The following PLEKHA6 variants were observed in gnomAD, a reference collection of about 807,000 sequenced individuals.
The protein encoded by PLEKHA6 is pleckstrin homology domain containing A6.
Under a neutral mutation model 116.7 loss-of-function variants are expected in PLEKHA6, and 60 were observed. That is an observed-to-expected ratio of 0.51 (90% CI 0.42 to 0.64). The LOEUF (loss-of-function observed/expected upper bound fraction) is 0.64. Among genes scored for constraint, PLEKHA6 ranks in the 30% least tolerant of loss-of-function variants. The pLI is 0.00. For synonymous variants in PLEKHA6, 489 were observed against 556.1 expected, an observed-to-expected ratio of 0.88 and a Z score of 1.70; for missense variants, 1,338 against 1,422.7, an observed-to-expected ratio of 0.94 and a Z score of 0.96.
At chr1:204,308,326 CT>C (rs1671478875) in intron 1 of PLEKHA6, among the ~76,000 whole-genome samples, 1 of 152,100 alleles carries the variant, frequency 6.6e-6, no homozygotes, top group Admixed American at 6.5e-5. Flanking sequence ...AGGAGGATTG[CT>C]TGAGGCCAGG....
rs1472942672 is a variant in PLEKHA6, at chr1:204,359,811, T to C, written c.-212A>G. ...CTCCCCCGCCCCTGGGGCCCCCTTCTGCAGAGCGGGGCTCCGGATCTAATC... is the reference window on the plus strand; with the variant it reads ...CTCCCCCGCCCCTGGGGCCCCCTTCCGCAGAGCGGGGCTCCGGATCTAATC... On this transcript the variant is annotated 5_prime_UTR_variant, in exon 1 of 23. Coordinates refer to ENST00000272203, the MANE Select transcript of PLEKHA6 (RefSeq NM_014935.5). The C allele has an allele frequency of 4.7e-6, 2 of 421,294 alleles. No individual in the cohort carries two copies. The highest frequency in any genetic ancestry group is 6.4e-6 in the Non-Finnish European group (2 of 313,778). The allele number at this position is 421,294 out of a possible 1,614,324, so 26.1% of individuals were successfully genotyped here. A position where few individuals can be genotyped will look rare whatever the true frequency, so the allele number is the denominator to read the frequency against.
chr1:204,248,905 G>C lies in PLEKHA6; in HGVS notation c.1740C>G (p.Ala580=). The C allele has an allele frequency of 6.2e-7, 1 of 1,614,122 alleles. No individual in the cohort carries two copies. The highest frequency in any genetic ancestry group is 1.1e-5 in the South Asian group (1 of 91,078). The part of the protein sequence containing the change: ...QELEMFGSQP[A]YPEKLRHKKD... ...TTTTGTGTCGCAGCTTTTCTGGGTA[G>C]GCGGGCTGGCTTCCAAACATCTCCA... is the stretch of plus-strand genomic sequence containing the variant. Residue 580 remains alanine, a synonymous_variant, in exon 12 of 23, where the codon GCC becomes GCG. Transcript: ENST00000272203.
chr1:204,341,118 G>A (rs1183842984), intron 1 of PLEKHA6, among the ~76,000 whole-genome samples: 2 of 152,208 alleles, frequency 1.3e-5, no homozygotes, highest in Non-Finnish European at 2.9e-5. Context: ...GCAGGGCTCA[G>A]GCCATAGGAC....
intron 3 of PLEKHA6, among the ~76,000 whole-genome samples, chr1:204,365,892 T>A (rs1673637658): frequency 6.6e-6 from 1 of 152,042 alleles, no homozygotes; most frequent in African/African-American, 2.4e-5. Context: ...GGTGGGGGAA[T>A]TCAGGCAGAG....
At chr1:204,373,028 C>T (rs1673804796) in intron 1 of PLEKHA6, among the ~76,000 whole-genome samples, 1 of 151,922 alleles carries the variant, frequency 6.6e-6, no homozygotes, top group Admixed American at 6.6e-5. Context: ...CCCACCTCAG[C>T]CCCCTGAGTG....
At chr1:204,271,057 G>A (rs1201137674) in intron 3 of PLEKHA6, among the ~76,000 whole-genome samples, 4 of 152,260 alleles carry the variant, frequency 2.6e-5, no homozygotes, top group African/African-American at 4.8e-5. Flanking sequence ...GCCATGGCCC[G>A]TGGGCCACAC....
At chr1:204,240,148 A>G (rs915868575) in intron 17 of PLEKHA6, among the ~76,000 whole-genome samples, 1 of 152,212 alleles carries the variant, frequency 6.6e-6, no homozygotes, top group Non-Finnish European at 1.5e-5. Flanking sequence ...CAATGGAAAT[A>G]AGGAGGAATA....
At chr1:204,321,837 A>AGT (rs1672073078) in intron 1 of PLEKHA6, among the ~76,000 whole-genome samples, 1 of 67,284 alleles carries the variant, frequency 1.5e-5, no homozygotes, top group Non-Finnish European at 3.4e-5. Context: ...AAAAGGGCAG[A>AGT]CTCAGTCGGC....
At chr1:204,361,821 C>G (rs373174168), upstream of PLEKHA6, among the ~76,000 whole-genome samples, 275 of 152,264 alleles carry the variant, frequency 1.8e-3, 1 homozygote, top group African/African-American at 6.4e-3. Context: ...TCTGACCCTG[C>G]GGAGCCAGTG....
intron 1 of PLEKHA6, among the ~76,000 whole-genome samples, chr1:204,316,837 T>C (rs28377331): frequency 6.6e-6 from 1 of 152,184 alleles, no homozygotes; most frequent in Non-Finnish European, 1.5e-5. Flanking sequence ...TATCCCAGGG[T>C]GGGACTCAAT....
upstream of PLEKHA6, among the ~76,000 whole-genome samples, chr1:204,360,471 G>A (rs1296111213): frequency 1.3e-5 from 2 of 151,604 alleles, no homozygotes; most frequent in Admixed American, 6.6e-5. Context: ...TGGGGTGTGA[G>A]TGGGTTGTGG....
chr1:204,248,995 T>C (rs1259716703), intron 11 of PLEKHA6, 25 bp from the exon 12 acceptor site: 3 of 1,611,534 alleles, frequency 1.9e-6, no homozygotes, highest in Admixed American at 1.7e-5. Context: ...GGGAATGACA[T>C]GAGCAGCCCT....
intron 21 of PLEKHA6, among the ~76,000 whole-genome samples, chr1:204,227,632 A>G (rs1464128952): frequency 3.3e-5 from 5 of 152,176 alleles, no homozygotes; most frequent in African/African-American, 2.4e-5. Context: ...TGCCCTCACT[A>G]TCTTTTCTTG....
Position 204,241,407 on chromosome 1 carries a change from C to T in PLEKHA6, c.2377G>A (p.Ala793Thr), listed in dbSNP as rs539025901. ...VTPSAVVRRNASGLTNGLSSQ... is the reference protein window; with the variant it reads ...VTPSAVVRRNTSGLTNGLSSQ... ...GAGAGTCCATTGGTGAGCCCACTGG[C>T]ATTCCTTCTTACCACTGCTGATGGG... Residue 793 changes from alanine to threonine, a missense_variant, in exon 17 of 23, where the codon GCC becomes ACC. By Grantham distance (58) the Ala-to-Thr change is moderately conservative. Coordinates refer to ENST00000272203, the MANE Select transcript of PLEKHA6 (RefSeq NM_014935.5). The T allele has an allele frequency of 1.9e-6, 3 of 1,611,952 alleles. No individual in the cohort carries two copies. The highest frequency in any genetic ancestry group is 1.3e-5 in the African/African-American group (1 of 75,010).
At chr1:204,307,636 C>T (rs1172743436) in intron 1 of PLEKHA6, among the ~76,000 whole-genome samples, 1 of 152,236 alleles carries the variant, frequency 6.6e-6, no homozygotes, top group East Asian at 1.9e-4. Flanking sequence ...ACACTCACAC[C>T]CCCAGTTCCT....
chr1:204,257,718 A>C lies in PLEKHA6; in HGVS notation c.1159T>G (p.Trp387Gly), dbSNP rs1665538179. ...MPAYDRISPP[W>G]ALEDKRHAFR... ...GCATGGCGCTTGTCCTCCAGGGCCC[A>C]GGGCGGGCTGATCCGATCATAGGCC... Residue 387 changes from tryptophan (W) to glycine (G), a missense_variant, in exon 9 of 23, where the codon TGG (tryptophan) becomes GGG (glycine). Transcript: ENST00000272203. The surrounding 1 kb of genome is among the most constrained non-coding windows in gnomAD (Gnocchi z 6.5). 6.2e-7 allele frequency: 1 copy of C among 1,612,812 alleles called. No homozygotes were observed. The highest frequency in any genetic ancestry group is 8.5e-7 in the Non-Finnish European group (1 of 1,179,614).
At chr1:204,281,110 C>T in intron 1 of PLEKHA6, 1 of 394,636 alleles carries the variant, frequency 2.5e-6, no homozygotes, top group Non-Finnish European at 3.4e-6. Flanking sequence ...TCACTTGAGC[C>T]CAGGAGGTCG....
At chr1:204,279,178 C>T (rs1668336204) in intron 1 of PLEKHA6, among the ~76,000 whole-genome samples, 1 of 152,272 alleles carries the variant, frequency 6.6e-6, no homozygotes, top group Non-Finnish European at 1.5e-5. Context: ...AAAATATCCC[C>T]TTTCACTTCA....
At chr1:204,225,251 G>A (rs79336137) in intron 21 of PLEKHA6, among the ~76,000 whole-genome samples, 10 of 152,190 alleles carry the variant, frequency 6.6e-5, no homozygotes, top group African/African-American at 2.4e-4. Context: ...CTTTAACAGA[G>A]ATCGGCAAAA....
Sources: gnomAD v4.1 joint callset for allele counts (sites outside exome capture counted in the v4.1 genomes callset) on GRCh38, gnomAD v4.1.1 for gene constraint, Gnocchi (gnomAD v3.1) non-coding constraint, MANE v1.5 for transcripts, NCBI Gene and HGNC (gene_info 2026-07-23, HGNC 2026-07-21) for gene names.